Variants in ARID3C observed in about 807,000 individuals in gnomAD.
ARID3C encodes the protein AT-rich interaction domain 3C, also known as AT-rich interactive domain-containing protein 3C.
In ARID3C, 42 loss-of-function variants were observed where a neutral mutation model predicts 37.9. The observed-to-expected ratio is 1.11, with a 90% CI of 0.87 to 1.43. The LOEUF (loss-of-function observed/expected upper bound fraction) is 1.43. ARID3C is among the 40% of genes most tolerant of loss of function. The pLI is 0.00. For synonymous variants in ARID3C, 213 were observed against 228.0 expected, an observed-to-expected ratio of 0.93 and a Z score of 0.59; for missense variants, 581 against 548.8, an observed-to-expected ratio of 1.06 and a Z score of -0.59.
intron 6 of ARID3C, 80 bp downstream of exon 7, chr9:34,621,940 G>T: frequency 7.3e-7 from 1 of 1,368,696 alleles, no homozygotes; most frequent in South Asian, 1.2e-5. Context: ...CTTCATGCTA[G>T]TAGAGGAAGT....
At chr9:34,628,851 G>C (rs573335865), upstream of ARID3C, among the ~76,000 whole-genome samples, 219 of 152,228 alleles carry the variant, frequency 1.4e-3, no homozygotes, top group African/African-American at 4.9e-3. This position sits in a 1 kb window ranked among gnomAD's most constrained non-coding sequence, Gnocchi z 5.2. Context: ...GGGACCGGAC[G>C]GGCAGGAGGC....
chr9:34,621,655 G>T, intron 6 of ARID3C, 97 bp from the exon 8 acceptor site: 1 of 895,574 alleles, frequency 1.1e-6, no homozygotes, highest in Non-Finnish European at 1.7e-6. Flanking sequence ...TGTTCTGGTT[G>T]CTAGAACACT....
exon 4 of ARID3C, chr9:34,623,693 C>T (rs1031037371): frequency 4.5e-6 from 7 of 1,564,458 alleles, no homozygotes; most frequent in South Asian, 3.5e-5. Context: ...CGCACTCGTA[C>T]GGGTACAGGT....
Position 34,622,064 on chromosome 9 carries a change from C to CT in ARID3C, c.1093dup (p.Ser365LysfsTer54), listed in dbSNP as rs773753445. On this transcript the variant is annotated frameshift_variant, in exon 6 of 7. Transcript: ENST00000378909. LOFTEE classifies it high-confidence loss of function. Reference sequence around the variant, plus strand: ...GATCTCTAGGGCCATGTTGATACTGCTGATGCCACTGCCTGCCAGATTAAG... The same window carrying CT: ...GATCTCTAGGGCCATGTTGATACTGCTTGATGCCACTGCCTGCCAGATTAAG... 1 of 1,614,162 alleles carries CT rather than the reference C, an allele frequency of 6.2e-7. No individual in the cohort carries two copies. Among genetic ancestry groups the CT allele is most frequent in the South Asian group, 1.1e-5 (1 of 91,082 alleles).
chr9:34,624,183 G>A (rs2132311872), intron 2 of ARID3C, 136 bp from the exon 4 acceptor site: 1 of 1,034,014 alleles, frequency 9.7e-7, no homozygotes, highest in South Asian at 1.7e-5. Flanking sequence ...AGAACCCCAG[G>A]GTCTCTGTTT....
intron 2 of ARID3C, among the ~76,000 whole-genome samples, chr9:34,624,544 C>T (rs1471052323): frequency 2.0e-5 from 3 of 152,250 alleles, no homozygotes; most frequent in Non-Finnish European, 4.4e-5. Context: ...GAGCCGGCCT[C>T]CCCTAAGCAG....
chr9:34,623,958 C>T, exon 3 of ARID3C: 3 of 1,605,836 alleles, frequency 1.9e-6, no homozygotes, highest in Non-Finnish European at 2.5e-6. Context: ...ATGACTTCCA[C>T]CAGGCCGCCC....
At chr9:34,622,672 G>A (rs921009298) in intron 4 of ARID3C, 143 bp from the exon 6 acceptor site, 1 of 865,094 alleles carries the variant, frequency 1.2e-6, no homozygotes, top group African/African-American at 1.7e-5. Context: ...CCCATCCAGA[G>A]CCTCAGCCTG....
At chr9:34,624,084 G>T in intron 2 of ARID3C, 37 bp from the exon 4 acceptor site, 2 of 1,538,816 alleles carry the variant, frequency 1.3e-6, no homozygotes, top group South Asian at 1.2e-5. Context: ...ACACTGAGAC[G>T]AAGACCCTGT....
At chr9:34,621,466 A>C in exon 7 of ARID3C, 1 of 1,525,362 alleles carries the variant, frequency 6.6e-7, no homozygotes, top group Non-Finnish European at 8.7e-7. Context: ...TCTCAGGGCA[A>C]GATGCTGGAA....
chr9:34,627,776 GC>G lies in ARID3C; in HGVS notation c.238del (p.Ala80ProfsTer55). 6.2e-7 allele frequency: 1 copy of G among 1,614,128 alleles called. No homozygotes were observed. Among genetic ancestry groups the G allele is most frequent in the Non-Finnish European group, 8.5e-7 (1 of 1,179,994 alleles). On this transcript the variant is annotated frameshift_variant, in exon 1 of 7. Coordinates refer to ENST00000378909, the Ensembl canonical transcript of ARID3C. LOFTEE classifies it high-confidence loss of function. ...GCTAGAAGGCGAGCTGGGGCCCTGG[GC>G]CCCTGGACGGCTCTCCTCAGCTGCC...
chr9:34,629,570 C>A (rs542308817), upstream of ARID3C, among the ~76,000 whole-genome samples: 3 of 152,318 alleles, frequency 2.0e-5, no homozygotes, highest in East Asian at 5.8e-4. Flanking sequence ...TCCCCCACTG[C>A]GGGCATGCTG....
At chr9:34,625,855 C>A (rs1419898312) in intron 1 of ARID3C, 41 bp from the exon 3 acceptor site, 1 of 1,607,882 alleles carries the variant, frequency 6.2e-7, no homozygotes, top group Non-Finnish European at 8.5e-7. Context: ...CTGCTGACTC[C>A]CCCTCCCTCC....
At chr9:34,630,074 A>C (rs750257023), upstream of ARID3C, among the ~76,000 whole-genome samples, 3 of 152,118 alleles carry the variant, frequency 2.0e-5, no homozygotes, top group Non-Finnish European at 4.4e-5. Flanking sequence ...GTATTATGAA[A>C]ATTTTGAAAC....
chr9:34,621,930 C>T, intron 6 of ARID3C, 90 bp downstream of exon 7: 2 of 1,314,168 alleles, frequency 1.5e-6, no homozygotes, highest in South Asian at 2.4e-5. Flanking sequence ...TATCCCTGAA[C>T]TTCATGCTAG....
chr9:34,624,449 T>C (rs953319999), intron 2 of ARID3C, among the ~76,000 whole-genome samples: 1 of 152,252 alleles, frequency 6.6e-6, no homozygotes, highest in Non-Finnish European at 1.5e-5. Flanking sequence ...CATTCTTATC[T>C]TGCAGGCAGC....
At chr9:34,623,930 C>T (rs1485847790) in exon 3 of ARID3C, 3 of 1,605,366 alleles carry the variant, frequency 1.9e-6, no homozygotes, top group Non-Finnish European at 8.5e-7. Context: ...CGTGACTTCC[C>T]GCCACACTTT....
upstream of ARID3C, among the ~76,000 whole-genome samples, chr9:34,629,450 G>A (rs918014084): frequency 3.3e-5 from 5 of 152,252 alleles, no homozygotes; most frequent in African/African-American, 1.2e-4. Flanking sequence ...TGGGCACGCT[G>A]TGATCAAGAG....
chr9:34,628,039 A>G lies in ARID3C; in HGVS notation c.-25T>C, dbSNP rs947664520. ...TGACAGCTTCCAGGCGCAGTCCCCCAGCTGAGGGGGTCCCTGGTACCAGGC... is the reference window on the plus strand; with the variant it reads ...TGACAGCTTCCAGGCGCAGTCCCCCGGCTGAGGGGGTCCCTGGTACCAGGC... On this transcript the variant is annotated 5_prime_UTR_variant, in exon 1 of 7. Coordinates refer to ENST00000378909, the Ensembl canonical transcript of ARID3C. The surrounding 1 kb of genome is among the most constrained non-coding windows in gnomAD (Gnocchi z 5.2). 9 of 1,456,922 alleles carry G rather than the reference A, an allele frequency of 6.2e-6. No homozygotes were observed. The highest frequency in any genetic ancestry group is 7.2e-6 in the Non-Finnish European group (8 of 1,104,794). The allele number at this position is 1,456,922 out of a possible 1,614,324, so 90.2% of individuals were successfully genotyped here. A position where few individuals can be genotyped will look rare whatever the true frequency, so the allele number is the denominator to read the frequency against.
Sources: allele counts gnomAD v4.1 joint callset (sites outside exome capture counted in the v4.1 genomes callset), GRCh38; gene constraint gnomAD v4.1.1; non-coding constraint Gnocchi (gnomAD v3.1); transcripts MANE v1.5; gene names NCBI Gene and HGNC (gene_info 2026-07-23, HGNC 2026-07-21).